PARD3B: variants seen among roughly 807,000 people sequenced by gnomAD.
PARD3B encodes the protein partitioning defective 3 homolog B.
A neutral mutation model predicts 130.2 loss-of-function variants in PARD3B; 103 were observed. The ratio of observed to expected loss-of-function variants is 0.79; its 90% CI spans 0.67 to 0.93. PARD3B has a LOEUF of 0.93. PARD3B is among the 40% of genes least tolerant of loss of function. PARD3B has a pLI of 0.00. For synonymous variants in PARD3B, 583 were observed against 553.2 expected (o/e 1.05, Z -0.76); for missense variants, 1,609 against 1,499.2 (o/e 1.07, Z -1.21).
intron 3 of PARD3B, among the ~76,000 whole-genome samples, chr2:205,016,793 A>C (rs1012607352): frequency 6.6e-6 from 1 of 152,096 alleles, no homozygotes; most frequent in Non-Finnish European, 1.5e-5. Context: ...TTCCTACTCA[A>C]CTGAACTCCT....
chr2:205,086,204 C>G (rs1381353241), intron 4 of PARD3B, among the ~76,000 whole-genome samples: 2 of 152,146 alleles, frequency 1.3e-5, no homozygotes, highest in East Asian at 1.9e-4. Context: ...TTTAGTGAAG[C>G]CTTCAACAAG....
chr2:204,878,936 A>T (rs551623595), intron 2 of PARD3B, among the ~76,000 whole-genome samples: 1 of 150,640 alleles, frequency 6.6e-6, no homozygotes, highest in East Asian at 2.0e-4. Context: ...AAGATTGACA[A>T]TTTTTTTTTT....
intron 15 of PARD3B, among the ~76,000 whole-genome samples, chr2:205,217,894 A>ATTTTT (rs755570882): frequency 5.1e-4 from 16 of 31,070 alleles, no homozygotes; most frequent in Non-Finnish European, 7.0e-4. Context: ...ATATATATAT[A>ATTTTT]TTTTTTTTTT....
chr2:204,746,235 G>T (rs1442831707), intron 2 of PARD3B, among the ~76,000 whole-genome samples: 10 of 148,204 alleles, frequency 6.7e-5, no homozygotes, highest in Non-Finnish European at 1.5e-5. Flanking sequence ...TGCAGTGTTT[G>T]TTTTTTTGTG....
chr2:205,474,215 T>C (rs954618765), intron 20 of PARD3B, among the ~76,000 whole-genome samples: 1 of 152,046 alleles, frequency 6.6e-6, no homozygotes, highest in Non-Finnish European at 1.5e-5. Context: ...TTTCTCTGAG[T>C]ATTCTATATT....
At chr2:205,090,196 G>C (rs2125537480) in intron 4 of PARD3B, among the ~76,000 whole-genome samples, 1 of 152,316 alleles carries the variant, frequency 6.6e-6, no homozygotes. Context: ...ATTAGATATG[G>C]CGGAGTGATT....
chr2:205,224,889 A>T (rs1273508710), intron 15 of PARD3B, among the ~76,000 whole-genome samples: 1 of 152,084 alleles, frequency 6.6e-6, no homozygotes, highest in African/African-American at 2.4e-5. Flanking sequence ...AACATGCTTG[A>T]AACTTTCTTT....
rs1050245770 is a variant in PARD3B, at chr2:205,446,204, G to A, written c.3044+5532G>A. Among the ~76,000 whole-genome samples the A allele has an allele frequency of 6.6e-6, 1 of 152,124 alleles. No individual in the cohort carries two copies. The highest frequency in any genetic ancestry group is 2.4e-5 in the African/African-American group (1 of 41,418). ...AGAGAGAACATGGGATGGCCTCAGA[G>A]CTGACCAAAGGCAGATGAGAGAGGT... On this transcript the variant is annotated intron_variant, in intron 20 of 22. Coordinates refer to ENST00000406610, the MANE Select transcript of PARD3B (RefSeq NM_001302769.2). This position sits in a 1 kb window ranked among gnomAD's most constrained non-coding sequence, Gnocchi z 4.4.
intron 3 of PARD3B, among the ~76,000 whole-genome samples, chr2:205,002,305 G>A (rs1575531005): frequency 6.6e-6 from 1 of 152,142 alleles, no homozygotes; most frequent in African/African-American, 2.4e-5. Context: ...GTCACATTCT[G>A]GCTCTGACAT....
At chr2:205,354,459 TA>T (rs999510011) in intron 18 of PARD3B, among the ~76,000 whole-genome samples, 13 of 89,918 alleles carry the variant, frequency 1.4e-4, no homozygotes, top group East Asian at 3.6e-4. Context: ...TAAAGTATAA[TA>T]AAAAAAATGA....
rs943079310 is a variant in PARD3B at position 205,337,872 on chromosome 2, G to A, written c.2630+36171G>A. On this transcript the variant is annotated intron_variant, in intron 18 of 22. Coordinates refer to ENST00000406610, the MANE Select transcript of PARD3B (RefSeq NM_001302769.2). ...TTCTTCAAATAACAAAATGCTGGCCGGGCATGGTGGCTCATGCCTGTAAGC... is the reference window on the plus strand; with the variant it reads ...TTCTTCAAATAACAAAATGCTGGCCAGGCATGGTGGCTCATGCCTGTAAGC... Among the ~76,000 whole-genome samples the A allele has an allele frequency of 7.2e-5, 11 of 152,124 alleles. No individual in the cohort carries two copies. The East Asian group carries it at 1.4e-3, about 19-fold the overall frequency.
intron 14 of PARD3B, among the ~76,000 whole-genome samples, chr2:205,192,196 T>A (rs557630204): frequency 2.6e-5 from 4 of 152,332 alleles, no homozygotes; most frequent in Admixed American, 6.5e-5. Context: ...CAGGTCGAGA[T>A]TCTCTTGTAC....
intron 1 of PARD3B, among the ~76,000 whole-genome samples, chr2:204,619,519 G>A (rs1202731486): frequency 1.3e-5 from 2 of 152,162 alleles, no homozygotes. Context: ...GAGCAAAAGA[G>A]CAGGTTTTTT....
At chr2:205,417,007 G>T (rs2046799268) in intron 19 of PARD3B, among the ~76,000 whole-genome samples, 1 of 151,714 alleles carries the variant, frequency 6.6e-6, no homozygotes, top group Admixed American at 6.6e-5. Context: ...GTATACATGT[G>T]CCGTGTTGGT....
chr2:205,212,322 C>T (rs996768842), intron 15 of PARD3B, among the ~76,000 whole-genome samples: 33 of 152,058 alleles, frequency 2.2e-4, no homozygotes, highest in Admixed American at 7.9e-4. Context: ...ATGTTTTGTA[C>T]GTTTCCAGGC....
At chr2:205,438,322 C>G (rs2047589856) in intron 19 of PARD3B, among the ~76,000 whole-genome samples, 1 of 152,056 alleles carries the variant, frequency 6.6e-6, no homozygotes, top group Non-Finnish European at 1.5e-5. Context: ...ACACAGATAC[C>G]AGTGTTCTAT....
rs1192785640 is a variant in PARD3B, at chr2:205,583,400, T to TGTGTGC, written c.3260+29998_3260+29999insTGTGCG. ...CTCTGTGTGTGTGTGTGTGTGTGTG[T>TGTGTGC]GCGCGCGCACGCGCGTGTGAGAGAG... On this transcript the variant is annotated intron_variant, in intron 22 of 22. Coordinates refer to ENST00000406610, the MANE Select transcript of PARD3B (RefSeq NM_001302769.2). Among the ~76,000 whole-genome samples, 688 of 133,960 alleles carry TGTGTGC rather than the reference T, an allele frequency of 5.1e-3. 5 individuals are homozygous for TGTGTGC. The Middle Eastern group carries it at 0.052, about 10-fold the overall frequency. The allele number at this position is 133,960 out of a possible 152,430, so 87.9% of individuals were successfully genotyped here. A position where few individuals can be genotyped will look rare whatever the true frequency, so the allele number is the denominator to read the frequency against.
intron 2 of PARD3B, among the ~76,000 whole-genome samples, chr2:204,913,375 A>C (rs934535426): frequency 6.6e-6 from 1 of 152,198 alleles, no homozygotes; most frequent in Non-Finnish European, 1.5e-5. Flanking sequence ...TCAATTGATG[A>C]CAGTGCTGAC....
intron 11 of PARD3B, among the ~76,000 whole-genome samples, chr2:205,165,137 C>T (rs1285920044): frequency 6.6e-6 from 1 of 152,020 alleles, no homozygotes; most frequent in African/African-American, 2.4e-5. Flanking sequence ...AACATATATG[C>T]TTTAACAAGC....
Sources: allele counts gnomAD v4.1 joint callset (sites outside exome capture counted in the v4.1 genomes callset), GRCh38; gene constraint gnomAD v4.1.1; non-coding constraint Gnocchi (gnomAD v3.1); transcripts MANE v1.5; gene names NCBI Gene and HGNC (gene_info 2026-07-23, HGNC 2026-07-21).